UBQLN4: variants seen among roughly 807,000 people sequenced by gnomAD.
UBQLN4 encodes the protein ubiquilin-4.
In UBQLN4, 11 loss-of-function variants were observed where a neutral mutation model predicts 60.4. That is an observed-to-expected ratio of 0.18 (90% CI 0.11 to 0.30). The LOEUF (loss-of-function observed/expected upper bound fraction) is 0.30, where lower values mean the gene tolerates loss of function less well. UBQLN4 is among the 10% of genes least tolerant of loss of function. The pLI, the probability that UBQLN4 is intolerant of heterozygous loss-of-function variation, is 1.00. For synonymous variants in UBQLN4, 258 were observed against 313.1 expected (o/e 0.82, Z 1.86); for missense variants, 417 against 795.5 (o/e 0.52, Z 5.72).
At chr1:156,042,495 C>T in intron 7 of UBQLN4, 2 of 1,310,718 alleles carry the variant, frequency 1.5e-6, no homozygotes, top group Non-Finnish European at 2.0e-6. Context: ...TCCAGGTATA[C>T]AGAACTTACT....
Position 156,050,177 on chromosome 1 carries a change from T to C in UBQLN4, c.741+114A>G. Reference sequence around the variant, plus strand: ...CTTTTCATCCCTGTACCTCCAGTGTTCAAAACTGCTGAATACACGAATGAA... The same window carrying C: ...CTTTTCATCCCTGTACCTCCAGTGTCCAAAACTGCTGAATACACGAATGAA... On this transcript the variant is annotated intron_variant, in intron 4 of 10. Transcript: ENST00000368309. This position sits in a 1 kb window ranked among gnomAD's most constrained non-coding sequence, Gnocchi z 4.6. The C allele has an allele frequency of 2.1e-6, 3 of 1,399,954 alleles. No individual in the cohort carries two copies. The South Asian group carries it at 5.1e-5, about 24-fold the overall frequency. The allele number at this position is 1,399,954 out of a possible 1,614,324, so 86.7% of individuals were successfully genotyped here. A position where few individuals can be genotyped will look rare whatever the true frequency, so the allele number is the denominator to read the frequency against.
intron 5 of UBQLN4, among the ~76,000 whole-genome samples, chr1:156,044,553 A>G (rs896110519): frequency 6.6e-6 from 1 of 152,120 alleles, no homozygotes; most frequent in African/African-American, 2.4e-5. Context: ...CCCATTGTGT[A>G]GCCAAATATT....
chr1:156,034,825 C>CTATATATATATAT (rs1553255404), downstream of UBQLN4, among the ~76,000 whole-genome samples: 59 of 46,380 alleles, frequency 1.3e-3, 1 homozygote, highest in African/African-American at 4.9e-3. Flanking sequence ...CCTTAACCTT[C>CTATATATATATAT]TATATATATA....
downstream of UBQLN4, among the ~76,000 whole-genome samples, chr1:156,034,838 T>TATATATATATAA (rs1683358333): frequency 2.4e-5 from 1 of 41,614 alleles, no homozygotes; most frequent in Non-Finnish European, 4.9e-5. Flanking sequence ...TATATATATA[T>TATATATATATAA]ATATATATAT....
chr1:156,042,425 G>C, intron 7 of UBQLN4, 189 bp from the exon 8 acceptor site: 3 of 1,411,276 alleles, frequency 2.1e-6, no homozygotes, highest in Non-Finnish European at 2.8e-6. Context: ...GGGTAATGAA[G>C]AGTATGAGGA....
At chr1:156,040,025 G>A (rs919696585) in intron 10 of UBQLN4, among the ~76,000 whole-genome samples, 8 of 150,920 alleles carry the variant, frequency 5.3e-5, no homozygotes, top group Admixed American at 1.3e-4. Context: ...AACAATGTTC[G>A]ATCCAGAGAA....
intron 1 of UBQLN4, among the ~76,000 whole-genome samples, chr1:156,052,213 A>G (rs927258644): frequency 6.6e-6 from 1 of 152,124 alleles, no homozygotes; most frequent in African/African-American, 2.4e-5. Flanking sequence ...CTGAGACCCA[A>G]TTTTCTCTCC....
Position 156,044,222 on chromosome 1 carries a change from A to T in UBQLN4, c.902T>A (p.Phe301Tyr), listed in dbSNP as rs1164473936. 5 of 1,560,742 alleles carry T rather than the reference A, an allele frequency of 3.2e-6. No individual in the cohort carries two copies. The highest frequency in any genetic ancestry group is 4.3e-6 in the Non-Finnish European group (5 of 1,151,984). Reference sequence around the variant, plus strand: ...CAGGGAAGAGAAGGGATTGTTGCCAAACTGGGAGGAGGGAAAGGTTTTGGG... The same window carrying T: ...CAGGGAAGAGAAGGGATTGTTGCCATACTGGGAGGAGGGAAAGGTTTTGGG... ...EPMFSAAREQ[F>Y]GNNPFSSLAG... The change falls in exon 6 of 11, where the codon TTT becomes TAT. Residue 301 changes from phenylalanine to tyrosine, a missense_variant and splice_region_variant. Phe to Tyr is a conservative substitution (Grantham distance 22). Coordinates refer to ENST00000368309, the MANE Select transcript of UBQLN4 (RefSeq NM_020131.5).
rs1291169361 is a variant in UBQLN4 at position 156,050,314 on chromosome 1, T to C, written c.718A>G (p.Asn240Asp). 1 of 1,592,626 alleles carries C rather than the reference T, an allele frequency of 6.3e-7. No homozygotes were observed. Among genetic ancestry groups the C allele is most frequent in the Non-Finnish European group, 8.6e-7 (1 of 1,166,252 alleles). ...ERNPEISHML[N>D]NPELMRQTME... is the part of the protein sequence containing the mutation. ...ACCTGCCTCATGAGTTCAGGGTTATTGAGCATGTGGCTGATCTCAGGGTTC... is the reference window on the plus strand; with the variant it reads ...ACCTGCCTCATGAGTTCAGGGTTATCGAGCATGTGGCTGATCTCAGGGTTC... The change falls in exon 4 of 11, where the codon AAT becomes GAT. Residue 240 changes from asparagine (N) to aspartate (D), a missense_variant. By Grantham distance (23) the Asn-to-Asp change is conservative. Coordinates refer to ENST00000368309, the MANE Select transcript of UBQLN4 (RefSeq NM_020131.5). The surrounding 1 kb of genome is among the most constrained non-coding windows in gnomAD (Gnocchi z 4.6).
chr1:156,043,123 A>G (rs1427060565), intron 6 of UBQLN4, among the ~76,000 whole-genome samples: 1 of 152,100 alleles, frequency 6.6e-6, no homozygotes, highest in African/African-American at 2.4e-5. Context: ...CCCCTTTTCC[A>G]TTTACTTGAT....
downstream of UBQLN4, chr1:156,033,406 G>T: frequency 3.5e-6 from 2 of 570,322 alleles, no homozygotes; most frequent in Middle Eastern, 9.1e-4. Context: ...TTGTTTTTTT[G>T]CTAGATGTAT....
chr1:156,037,374 T>TTG (rs1198884399), intron 10 of UBQLN4, among the ~76,000 whole-genome samples: 9 of 151,994 alleles, frequency 5.9e-5, no homozygotes, highest in Non-Finnish European at 8.8e-5. Flanking sequence ...GGCGGGCGGA[T>TTG]CACGAGGTCA....
chr1:156,031,433 A>G (rs1683295241), downstream of UBQLN4, among the ~76,000 whole-genome samples: 2 of 152,176 alleles, frequency 1.3e-5, no homozygotes, highest in African/African-American at 4.8e-5. Context: ...GAAAGCAAAG[A>G]TGCTAGAGTT....
chr1:156,043,926 A>G, intron 6 of UBQLN4, 72 bp downstream of exon 6: 1 of 1,486,646 alleles, frequency 6.7e-7, no homozygotes, highest in Admixed American at 1.9e-5. Context: ...GAGCAGTATG[A>G]ACCCCATTCA....
chr1:156,038,812 C>CTT (rs536553162), intron 10 of UBQLN4, among the ~76,000 whole-genome samples: 2,601 of 133,052 alleles, frequency 0.02, 162 homozygotes, highest in Admixed American at 0.11. Flanking sequence ...AGGTCTTCTT[C>CTT]TTTTTTTTTT....
chr1:156,041,381 C>T, intron 10 of UBQLN4, 104 bp downstream of exon 10: 1 of 1,292,228 alleles, frequency 7.7e-7, no homozygotes, highest in Non-Finnish European at 1.0e-6. Flanking sequence ...CAGAACAGGA[C>T]CTGACTCCCA....
chr1:156,048,223 C>T lies in UBQLN4; in HGVS notation c.900+278G>A, dbSNP rs982703533. On this transcript the variant is annotated intron_variant, in intron 5 of 10. Transcript: ENST00000368309. This position sits in a 1 kb window ranked among gnomAD's most constrained non-coding sequence, Gnocchi z 4.9. Reference sequence around the variant, plus strand: ...GGGCTGGCGTCTGACCTCAGGCCTGCCACGTGACCTTTGAGCCCCTGGTAC... The same window carrying T: ...GGGCTGGCGTCTGACCTCAGGCCTGTCACGTGACCTTTGAGCCCCTGGTAC... 1.3e-5 allele frequency among the ~76,000 whole-genome samples: 2 copies of T among 152,138 alleles called. No individual in the cohort carries two copies. The highest frequency in any genetic ancestry group is 4.8e-5 in the African/African-American group (2 of 41,410).
Position 156,048,735 on chromosome 1 carries a change from A to G in UBQLN4, c.742-76T>C, listed in dbSNP as rs1683783571. 8 of 1,519,906 alleles carry G rather than the reference A, an allele frequency of 5.3e-6. No homozygotes were observed. Among genetic ancestry groups the G allele is most frequent in the Admixed American group, 3.7e-5 (2 of 53,806 alleles). 94.2% of individuals were successfully genotyped at this position (1,519,906 alleles called of 1,614,324 possible). A position where few individuals can be genotyped will look rare whatever the true frequency, so the allele number is the denominator to read the frequency against. On this transcript the variant is annotated intron_variant, in intron 4 of 10. Transcript: ENST00000368309. This position sits in a 1 kb window ranked among gnomAD's most constrained non-coding sequence, Gnocchi z 4.9. ...CCTAGGAAAAGGGTGGGCCTTGAGGAAGGGGGGTCTGTATCAGGATCAGGA... is the reference window on the plus strand; with the variant it reads ...CCTAGGAAAAGGGTGGGCCTTGAGGGAGGGGGGTCTGTATCAGGATCAGGA...
chr1:156,033,933 A>G (rs1218243242), downstream of UBQLN4, among the ~76,000 whole-genome samples: 4 of 151,790 alleles, frequency 2.6e-5, no homozygotes, highest in East Asian at 7.8e-4. Context: ...ACTGGCCTCC[A>G]GGTCAAAGGC....
Sources: gnomAD v4.1 joint callset for allele counts (sites outside exome capture counted in the v4.1 genomes callset) on GRCh38, gnomAD v4.1.1 for gene constraint, Gnocchi (gnomAD v3.1) non-coding constraint, MANE v1.5 for transcripts, NCBI Gene and HGNC (gene_info 2026-07-23, HGNC 2026-07-21) for gene names.